The following CELF4 variants were observed in gnomAD, a reference collection of about 807,000 sequenced individuals.
CELF4 encodes CUG-BP- and ETR-3-like factor 4.
In CELF4, 18 loss-of-function variants were observed where a neutral mutation model predicts 59.9. That is an observed-to-expected ratio of 0.30 (90% confidence interval 0.21 to 0.45). CELF4 has a LOEUF of 0.45. Among genes scored for constraint, CELF4 ranks in the 20% least tolerant of loss-of-function variants. The probability of loss-of-function intolerance (pLI) is 1.00; values close to 1 mark genes in which losing one functional copy is unlikely to be tolerated. For synonymous variants in CELF4, 261 were observed against 267.1 expected (o/e 0.98, Z 0.22); for missense variants, 456 against 689.0 (o/e 0.66, Z 3.79).
At chr18:37,534,127 C>T (rs966667086) in intron 1 of CELF4, among the ~76,000 whole-genome samples, 1 of 152,178 alleles carries the variant, frequency 6.6e-6, no homozygotes, top group South Asian at 2.1e-4. Context: ...ATCAGAGCGG[C>T]GTTTCCCGTA....
rs1209249029 is a variant in CELF4, at chr18:37,253,589, T to A, written c.*44+178A>T. Among the ~76,000 whole-genome samples, 1 of 152,222 alleles carries A rather than the reference T, an allele frequency of 6.6e-6. No homozygotes were observed. Among genetic ancestry groups the A allele is most frequent in the African/African-American group, 2.4e-5 (1 of 41,482 alleles). On this transcript the variant is annotated intron_variant, in intron 12 of 12. Coordinates refer to ENST00000420428, the MANE Select transcript of CELF4 (RefSeq NM_020180.4). This position sits in a 1 kb window ranked among gnomAD's most constrained non-coding sequence, Gnocchi z 4.5. ...ACAGGGAAATGGCCAGGCCCATTTC[T>A]GCCGGGGTGACGGCAGCTCTGCGCC... is the stretch of plus-strand genomic sequence containing the variant.
intron 1 of CELF4, among the ~76,000 whole-genome samples, chr18:37,486,993 A>C (rs1310532005): frequency 1.3e-5 from 2 of 152,212 alleles, no homozygotes; most frequent in African/African-American, 2.4e-5. Context: ...GGTCATTGCC[A>C]TGGCCATTTA....
At chr18:37,353,233 A>AAATATATATATATATAT (rs71168258) in intron 2 of CELF4, among the ~76,000 whole-genome samples, 34 of 106,964 alleles carry the variant, frequency 3.2e-4, no homozygotes, top group Admixed American at 1.2e-3. Context: ...AAAAAAAAAA[A>AAATATATATATATATAT]ATATATATAT....
At position 37,259,281 on chromosome 18, in the gene CELF4, GGGTGGGCGGGGGAGGA is replaced by G; in HGVS notation, c.1250-33_1250-18del. On this transcript the variant is annotated intron_variant, in intron 10 of 12. Coordinates refer to ENST00000420428, the MANE Select transcript of CELF4 (RefSeq NM_020180.4). ...CCTCGGGCCCTGCGGTGAGGGGAGG[GGGTGGGCGGGGGAGGA>G]GGGATGGCAGGGTGGGGGAAGAGAG... The G allele has an allele frequency of 2.0e-6, 2 of 977,412 alleles. No individual in the cohort carries two copies. The highest frequency in any genetic ancestry group is 3.2e-6 in the Non-Finnish European group (2 of 619,172). 60.5% of individuals were successfully genotyped at this position (977,412 alleles called of 1,614,324 possible).
rs149396682 is a variant in CELF4 at position 37,544,215 on chromosome 18, G to T, written c.286+21141C>A. On this transcript the variant is annotated intron_variant, in intron 1 of 12. Coordinates refer to ENST00000420428, the MANE Select transcript of CELF4 (RefSeq NM_020180.4). The stretch of plus-strand genomic sequence containing the variant: ...TTATCTCAGGCTCACTATGTTTCAG[G>T]CTCTGTCAGATGCTCCACCGAAATC... Among the ~76,000 whole-genome samples, 856 of 150,114 alleles carry T rather than the reference G, an allele frequency of 5.7e-3. 5 individuals are homozygous for T. The highest frequency in any genetic ancestry group is 0.019 in the African/African-American group (788 of 40,770).
At chr18:37,398,538 T>C (rs2099274426) in intron 2 of CELF4, among the ~76,000 whole-genome samples, 3 of 151,856 alleles carry the variant, frequency 2.0e-5, no homozygotes, top group Non-Finnish European at 2.9e-5. Context: ...GGCCCAGGAG[T>C]GAGGCCACTG....
chr18:37,524,836 G>T lies in CELF4; in HGVS notation c.287-39229C>A, dbSNP rs568383125. ...CGCCCCGGCCGCGGCTCCCGGCAGC[G>T]ACCGCAGCGCCCAGCAGGAGAATGG... On this transcript the variant is annotated intron_variant, in intron 1 of 12. Coordinates refer to ENST00000420428, the MANE Select transcript of CELF4 (RefSeq NM_020180.4). 7.2e-5 allele frequency among the ~76,000 whole-genome samples: 11 copies of T among 152,236 alleles called. No homozygotes were observed. The South Asian group carries it at 1.9e-3, about 26-fold the overall frequency.
chr18:37,470,887 T>TGTGTGTGTGAGAGAGAGAGAGAGAGAGA (rs1325788685), intron 2 of CELF4, among the ~76,000 whole-genome samples: 4 of 71,926 alleles, frequency 5.6e-5, no homozygotes, highest in Non-Finnish European at 8.1e-5. Flanking sequence ...TGTGTGTGTG[T>TGTGTGTGTGAGAGAGAGAGAGAGAGAGA]GACAGAGAGA....
chr18:37,464,983 T>A (rs1402466118), intron 2 of CELF4, among the ~76,000 whole-genome samples: 3 of 152,180 alleles, frequency 2.0e-5, no homozygotes, highest in Non-Finnish European at 4.4e-5. Context: ...TGCTGCCATG[T>A]GCTGGATCAC....
chr18:37,324,788 C>G (rs1007560446), intron 2 of CELF4, among the ~76,000 whole-genome samples: 3 of 152,162 alleles, frequency 2.0e-5, no homozygotes, highest in African/African-American at 7.2e-5. Context: ...GATCGCATTG[C>G]TAGATCATCA....
chr18:37,552,072 T>C (rs1157850860), intron 1 of CELF4, among the ~76,000 whole-genome samples: 2 of 152,238 alleles, frequency 1.3e-5, no homozygotes, highest in East Asian at 1.9e-4. Context: ...TCTTTCTCTA[T>C]GTGGGAATCT....
At chr18:37,423,847 G>T (rs1313194509) in intron 2 of CELF4, among the ~76,000 whole-genome samples, 1 of 151,868 alleles carries the variant, frequency 6.6e-6, no homozygotes, top group Non-Finnish European at 1.5e-5. Flanking sequence ...CTTTGACTGG[G>T]GGTTCATCAT....
At chr18:37,288,095 C>G (rs1167722226) in intron 3 of CELF4, among the ~76,000 whole-genome samples, 1 of 152,200 alleles carries the variant, frequency 6.6e-6, no homozygotes, top group Non-Finnish European at 1.5e-5. Context: ...CAACACAGGT[C>G]CCTGCATCTC....
intron 7 of CELF4, among the ~76,000 whole-genome samples, 176 bp from the exon 8 acceptor site, chr18:37,271,093 G>A (rs2091006672): frequency 6.6e-6 from 1 of 152,128 alleles, no homozygotes; most frequent in Non-Finnish European, 1.5e-5. Context: ...CTCCCTATAT[G>A]AAGTGACTTC....
intron 1 of CELF4, among the ~76,000 whole-genome samples, chr18:37,550,850 G>C (rs117879363): frequency 3.1e-3 from 465 of 152,322 alleles, no homozygotes; most frequent in Middle Eastern, 0.014. Context: ...TTAAGGACTG[G>C]GCTCTAAAAG....
chr18:37,299,411 C>T (rs1348839163), intron 3 of CELF4, among the ~76,000 whole-genome samples: 2 of 152,150 alleles, frequency 1.3e-5, no homozygotes, highest in African/African-American at 4.8e-5. Context: ...CAGGGATGCT[C>T]CTGGGAGTGA....
chr18:37,474,662 T>C (rs1035492217), intron 2 of CELF4, among the ~76,000 whole-genome samples: 1 of 152,192 alleles, frequency 6.6e-6, no homozygotes, highest in Non-Finnish European at 1.5e-5. Flanking sequence ...ATAAATGAGA[T>C]AATATTTGTG....
intron 12 of CELF4, among the ~76,000 whole-genome samples, chr18:37,251,928 A>G (rs535172502): frequency 2.6e-5 from 4 of 152,196 alleles, no homozygotes; most frequent in Non-Finnish European, 5.9e-5. Context: ...AGGATGGGAA[A>G]CAAGCCAGAA....
At chr18:37,356,503 T>C (rs573202426) in intron 2 of CELF4, among the ~76,000 whole-genome samples, 2 of 148,474 alleles carry the variant, frequency 1.3e-5, no homozygotes, top group South Asian at 4.3e-4. Context: ...GGGAAGGCCA[T>C]TGGTGCTGGG....
Sources: gnomAD v4.1 joint callset for allele counts (sites outside exome capture counted in the v4.1 genomes callset) on GRCh38, gnomAD v4.1.1 for gene constraint, Gnocchi (gnomAD v3.1) non-coding constraint, MANE v1.5 for transcripts, NCBI Gene and HGNC (gene_info 2026-07-23, HGNC 2026-07-21) for gene names.